ATP6V0E1: variants seen among roughly 807,000 people sequenced by gnomAD.
ATP6V0E1 encodes the protein V-type proton ATPase subunit e 1.
ATP6V0E1 carries 4 observed loss-of-function variants against 11.6 expected under a neutral mutation model. The ratio of observed to expected loss-of-function variants is 0.35; its 90% CI spans 0.17 to 0.79. The LOEUF (loss-of-function observed/expected upper bound fraction) is 0.79, where lower values mean the gene tolerates loss of function less well. Ranked by LOEUF, ATP6V0E1 falls within the 30% of genes least tolerant of loss-of-function variation. ATP6V0E1 has a pLI of 0.54. For synonymous variants in ATP6V0E1, 36 were observed against 34.8 expected (o/e 1.04, Z -0.13); for missense variants, 105 against 100.0 (o/e 1.05, Z -0.21).
intron 2 of ATP6V0E1, among the ~76,000 whole-genome samples, chr5:173,016,150 G>A (rs1239886372): frequency 6.6e-6 from 1 of 152,234 alleles, no homozygotes; most frequent in African/African-American, 2.4e-5. Flanking sequence ...CAGAAGCACA[G>A]GTAGAACAAC....
chr5:173,020,227 C>G lies in ATP6V0E1; in HGVS notation c.153-11C>G. On this transcript the variant is annotated splice_polypyrimidine_tract_variant and intron_variant, in intron 2 of 3. Transcript: ENST00000519374. ...CACCGCTTCGTTGTTTCTCTCCCAT[C>G]CTTCTTTTAGTTGGCTGATTGCAAT... is the stretch of plus-strand genomic sequence containing the variant. 6.2e-7 allele frequency: 1 copy of G among 1,605,934 alleles called. No individual in the cohort carries two copies.
chr5:173,026,001 TA>T (rs1205125058), intron 3 of ATP6V0E1, among the ~76,000 whole-genome samples: 1 of 150,286 alleles, frequency 6.7e-6, no homozygotes, highest in African/African-American at 2.5e-5. Flanking sequence ...CAAATAATAA[TA>T]TTTTTTTTTT....
intron 1 of ATP6V0E1, among the ~76,000 whole-genome samples, chr5:172,989,130 T>G (rs1397609001): frequency 6.6e-6 from 1 of 152,044 alleles, no homozygotes; most frequent in East Asian, 1.9e-4. Context: ...AGCCAGAAAA[T>G]AGAGACCAAG....
At position 172,985,580 on chromosome 5, in the gene ATP6V0E1, A is replaced by AT. The variant is rs1423078778; in HGVS notation, c.104+1617dup. ...AACAAAGTGCTTCTTTGTTGTGTTT[A>AT]TATCTTCAACTGTTTCATTACCCTA... On this transcript the variant is annotated intron_variant, in intron 1 of 3. Coordinates refer to ENST00000519374, the MANE Select transcript of ATP6V0E1 (RefSeq NM_003945.4). 2.6e-5 allele frequency among the ~76,000 whole-genome samples: 4 copies of AT among 152,266 alleles called. No homozygotes were observed. In the East Asian group the frequency reaches 5.8e-4, roughly 22 times the overall value.
chr5:173,017,499 A>T (rs889703313), intron 2 of ATP6V0E1, among the ~76,000 whole-genome samples: 2 of 140,404 alleles, frequency 1.4e-5, no homozygotes, highest in East Asian at 4.4e-4. Flanking sequence ...GTGCCATCGC[A>T]CTCCAGCCTG....
intron 2 of ATP6V0E1, among the ~76,000 whole-genome samples, chr5:173,000,080 GAGAC>G (rs1432086414): frequency 6.6e-6 from 1 of 152,188 alleles, no homozygotes; most frequent in African/African-American, 2.4e-5. Flanking sequence ...CACACCCAAA[GAGAC>G]TTTGGCTTTC....
chr5:173,022,372 A>G (rs1032258891), intron 3 of ATP6V0E1, among the ~76,000 whole-genome samples: 4 of 152,222 alleles, frequency 2.6e-5, no homozygotes, highest in Non-Finnish European at 1.5e-5. Flanking sequence ...CTTCATTTGT[A>G]AAGTCCTTTT....
In ATP6V0E1 at chr5:173,025,311, AT is replaced by A. The variant is rs536268066; in HGVS notation, c.*36+4949del. 1.0e-3 allele frequency among the ~76,000 whole-genome samples: 157 copies of A among 150,012 alleles called. 1 individual carries two copies. The highest frequency in any genetic ancestry group is 3.7e-3 in the African/African-American group (150 of 40,768). On this transcript the variant is annotated intron_variant, in intron 3 of 3. Transcript: ENST00000519374. Reference sequence around the variant, plus strand: ...AGGCACACACCACCACACCCAGCTAATTTTTGTGTTTTTAGTAGAGATAGGG... The same window carrying A: ...AGGCACACACCACCACACCCAGCTAATTTTGTGTTTTTAGTAGAGATAGGG...
At chr5:172,990,576 C>T (rs1239578935) in intron 1 of ATP6V0E1, among the ~76,000 whole-genome samples, 4 of 150,952 alleles carry the variant, frequency 2.6e-5, no homozygotes, top group Non-Finnish European at 5.9e-5. Context: ...TGCCTGTAAT[C>T]CCGGCACTTT....
At chr5:172,984,235 G>A (rs1408619111) in intron 1 of ATP6V0E1, among the ~76,000 whole-genome samples, 1 of 152,208 alleles carries the variant, frequency 6.6e-6, no homozygotes, top group Non-Finnish European at 1.5e-5. Context: ...GTCCTGTGTG[G>A]GGAGGTGCAG....
At chr5:173,032,836 C>A (rs59802191) in intron 3 of ATP6V0E1, among the ~76,000 whole-genome samples, 3,247 of 152,250 alleles carry the variant, frequency 0.021, 106 homozygotes, top group African/African-American at 0.073. Flanking sequence ...ATGGCTCATG[C>A]CTGTAATCCC....
chr5:173,008,127 G>A (rs933466390), intron 2 of ATP6V0E1, among the ~76,000 whole-genome samples: 1 of 152,124 alleles, frequency 6.6e-6, no homozygotes, highest in Non-Finnish European at 1.5e-5. Context: ...GCTTAACAGC[G>A]TGCTCACTTT....
intron 2 of ATP6V0E1, among the ~76,000 whole-genome samples, chr5:173,019,756 T>C (rs913565196): frequency 6.6e-6 from 1 of 152,140 alleles, no homozygotes; most frequent in Non-Finnish European, 1.5e-5. Flanking sequence ...TTACATGTTA[T>C]AGTCTAATAG....
intron 1 of ATP6V0E1, among the ~76,000 whole-genome samples, chr5:172,985,905 AC>A (rs1259199703): frequency 6.6e-6 from 1 of 152,228 alleles, no homozygotes; most frequent in African/African-American, 2.4e-5. Context: ...AGCCTACTAC[AC>A]ACCTAGGCTA....
intron 1 of ATP6V0E1, among the ~76,000 whole-genome samples, chr5:172,992,571 G>A (rs1180951203): frequency 1.3e-5 from 2 of 151,996 alleles, no homozygotes; most frequent in South Asian, 2.1e-4. Flanking sequence ...GCACTGAGAC[G>A]CCACCTCCTC....
chr5:172,985,252 A>T (rs1275480730), intron 1 of ATP6V0E1, among the ~76,000 whole-genome samples: 1 of 151,996 alleles, frequency 6.6e-6, no homozygotes, highest in Non-Finnish European at 1.5e-5. Flanking sequence ...CTCAAAAAAA[A>T]AAAAAAAAAA....
rs192186467 is a variant in ATP6V0E1 at position 173,030,914 on chromosome 5, A to C, written c.*37-3485A>C. 6.2e-3 allele frequency among the ~76,000 whole-genome samples: 885 copies of C among 142,692 alleles called. 10 individuals are homozygous for C. Among genetic ancestry groups the C allele is most frequent in the African/African-American group, 0.022 (838 of 38,404 alleles). 93.6% of individuals were successfully genotyped at this position (142,692 alleles called of 152,430 possible). Reference sequence around the variant, plus strand: ...CAGGCATGCACCACCATGCTTGGCTAATTTTTGTATTTATTTATTTATTTA... The same window carrying C: ...CAGGCATGCACCACCATGCTTGGCTCATTTTTGTATTTATTTATTTATTTA... On this transcript the variant is annotated intron_variant, in intron 3 of 3. Transcript: ENST00000519374.
chr5:172,993,396 C>G (rs1048700253), intron 1 of ATP6V0E1, among the ~76,000 whole-genome samples: 1 of 151,960 alleles, frequency 6.6e-6, no homozygotes, highest in Non-Finnish European at 1.5e-5. Context: ...ATAATCTCAG[C>G]TACTTGGGCT....
At chr5:172,988,590 A>G (rs970242825) in intron 1 of ATP6V0E1, among the ~76,000 whole-genome samples, 37 of 152,364 alleles carry the variant, frequency 2.4e-4, no homozygotes, top group Non-Finnish European at 2.9e-5. Context: ...AAAAGGAAAC[A>G]TTAAAGCCGA....
Sources: gnomAD v4.1 joint callset for allele counts (sites outside exome capture counted in the v4.1 genomes callset) on GRCh38, gnomAD v4.1.1 for gene constraint, MANE v1.5 for transcripts, NCBI Gene and HGNC (gene_info 2026-07-23, HGNC 2026-07-21) for gene names.